GRSF1: variants seen among roughly 807,000 people sequenced by gnomAD.
The protein encoded by GRSF1 is G-rich sequence factor 1.
Under a neutral mutation model 51.1 loss-of-function variants are expected in GRSF1, and 50 were observed. The ratio of observed to expected loss-of-function variants is 0.98; its 90% CI spans 0.78 to 1.24. The LOEUF is 1.24. Ranked by LOEUF, GRSF1 falls within the 50% of genes most tolerant of loss-of-function variation. GRSF1 has a pLI of 0.00. For missense variants in GRSF1, 700 were observed against 639.7 expected, an observed-to-expected ratio of 1.09 and a Z score of -1.02; for synonymous variants, 293 against 253.3, an observed-to-expected ratio of 1.16 and a Z score of -1.49.
chr4:70,839,327 G>A (rs1379290968), intron 1 of GRSF1, 144 bp downstream of exon 1: 1 of 1,503,796 alleles, frequency 6.6e-7, no homozygotes, highest in South Asian at 1.2e-5. Context: ...AGGAGCACAG[G>A]GTGGACGGGG....
chr4:70,837,682 C>T (rs1734273484), intron 1 of GRSF1, among the ~76,000 whole-genome samples: 1 of 151,556 alleles, frequency 6.6e-6, no homozygotes, highest in African/African-American at 2.4e-5. Flanking sequence ...CTCTTGTCGC[C>T]CAGACTAGAG....
At chr4:70,823,087 ACT>A (rs1283874523) in intron 9 of GRSF1, among the ~76,000 whole-genome samples, 3 of 149,752 alleles carry the variant, frequency 2.0e-5, no homozygotes, top group African/African-American at 7.4e-5. Flanking sequence ...ACAAAGCAAG[ACT>A]CTGTCTCAAA....
chr4:70,837,417 A>G (rs1734258818), intron 1 of GRSF1, among the ~76,000 whole-genome samples: 1 of 151,628 alleles, frequency 6.6e-6, no homozygotes, highest in Non-Finnish European at 1.5e-5. Context: ...ACAAAAAATG[A>G]GCCGGGTGTG....
chr4:70,843,073 G>A (rs186798245), upstream of GRSF1, among the ~76,000 whole-genome samples: 47 of 152,208 alleles, frequency 3.1e-4, no homozygotes, highest in African/African-American at 1.1e-3. Flanking sequence ...TGTCTCAAAA[G>A]TAAATAAATA....
At chr4:70,838,478 A>T (rs1275948267) in intron 1 of GRSF1, among the ~76,000 whole-genome samples, 2 of 152,218 alleles carry the variant, frequency 1.3e-5, no homozygotes, top group African/African-American at 4.8e-5. Context: ...CCAGGATTCA[A>T]ATCAATTAGC....
At chr4:70,826,024 A>T in intron 7 of GRSF1, 100 bp downstream of exon 7, 1 of 1,001,792 alleles carries the variant, frequency 1.0e-6, no homozygotes, top group South Asian at 1.5e-5. Context: ...CCAACGCAGA[A>T]ACACTATATT....
chr4:70,824,241 A>C, intron 9 of GRSF1, 53 bp downstream of exon 9: 1 of 771,894 alleles, frequency 1.3e-6, no homozygotes. Context: ...AAGTACTGGG[A>C]TTACAGGTGT....
At position 70,827,987 on chromosome 4, in the gene GRSF1, C is replaced by T. The variant is rs1294788734; in HGVS notation, c.1000G>A (p.Gly334Ser). ...SRRNEVRTHVGSYKGKKIASF... is the reference protein window; with the variant it reads ...SRRNEVRTHVSSYKGKKIASF... ...GCGATTTTCTTTCCCTTATAAGAAC[C>T]GACATGTGTTCGAACTTCATTCCTT... is the stretch of plus-strand genomic sequence containing the variant. The change falls in exon 6 of 10, where the codon GGT (glycine) becomes AGT (serine). Residue 334 changes from glycine (G) to serine (S), a missense_variant. Gly to Ser is a moderately conservative substitution (Grantham distance 56). Coordinates refer to ENST00000254799, the MANE Select transcript of GRSF1 (RefSeq NM_002092.4). 4 of 1,613,488 alleles carry T rather than the reference C, an allele frequency of 2.5e-6. No homozygotes were observed. The highest frequency in any genetic ancestry group is 1.6e-4 in the Middle Eastern group (1 of 6,062).
At chr4:70,821,742 T>A (rs552075938) in intron 9 of GRSF1, among the ~76,000 whole-genome samples, 2 of 148,964 alleles carry the variant, frequency 1.3e-5, no homozygotes, top group South Asian at 2.2e-4. Context: ...AGTGGCACCA[T>A]CTCAGTCACT....
chr4:70,823,418 T>A (rs1226149266), intron 9 of GRSF1, among the ~76,000 whole-genome samples: 1 of 147,414 alleles, frequency 6.8e-6, no homozygotes, highest in East Asian at 2.0e-4. Flanking sequence ...AATAAATAAA[T>A]AAAATAAAAT....
chr4:70,842,737 T>C (rs1286796024), upstream of GRSF1, among the ~76,000 whole-genome samples: 1 of 152,200 alleles, frequency 6.6e-6, no homozygotes, highest in Non-Finnish European at 1.5e-5. Context: ...ATTTTCTTAA[T>C]AGCAGCAGTC....
intron 2 of GRSF1, among the ~76,000 whole-genome samples, chr4:70,834,875 G>A (rs1450219017): frequency 5.9e-5 from 9 of 151,814 alleles, no homozygotes; most frequent in South Asian, 2.1e-4. Context: ...CGCCCGCCTC[G>A]GCCTCCCAAA....
Position 70,826,138 on chromosome 4 carries a change from G to C in GRSF1, c.1243C>G (p.Gln415Glu), listed in dbSNP as rs1733726898. 3 of 1,610,604 alleles carry C rather than the reference G, an allele frequency of 1.9e-6. No homozygotes were observed. In the East Asian group the frequency reaches 6.7e-5, roughly 36 times the overall value. The change falls in exon 7 of 10, where the codon CAA (glutamine) becomes GAA (glutamate). Residue 415 changes from glutamine to glutamate, a missense_variant. Gln to Glu is a conservative substitution (Grantham distance 29). Transcript: ENST00000254799. ...MRGLPFQANA[Q>E]DIINFFAPLK... The stretch of plus-strand genomic sequence containing the variant: ...CTGCCACACACGTTTATAATGTCTT[G>C]GGCATTGGCTTGGAAAGGTAATCCT...
intron 2 of GRSF1, among the ~76,000 whole-genome samples, chr4:70,834,865 C>T (rs558078530): frequency 3.3e-5 from 5 of 152,052 alleles, no homozygotes; most frequent in South Asian, 2.1e-4. Flanking sequence ...CCTCGTGATC[C>T]GCCCGCCTCG....
chr4:70,836,104 T>G, intron 2 of GRSF1, 54 bp downstream of exon 2: 2 of 1,066,322 alleles, frequency 1.9e-6, no homozygotes, highest in Non-Finnish European at 1.3e-6. Context: ...TACCTGCTTG[T>G]GAGAAACAAT....
At chr4:70,839,005 C>T (rs1734342754) in intron 1 of GRSF1, 5 of 524,842 alleles carry the variant, frequency 9.5e-6, no homozygotes, top group South Asian at 3.8e-5. Flanking sequence ...TGTGTGCGCG[C>T]ACCTTCCCAG....
chr4:70,839,010 T>C, intron 1 of GRSF1: 1 of 573,952 alleles, frequency 1.7e-6, no homozygotes, highest in Non-Finnish European at 2.7e-6. Context: ...GCGCGCACCT[T>C]CCCAGCAGCG....
intron 2 of GRSF1, among the ~76,000 whole-genome samples, 170 bp from the exon 3 acceptor site, chr4:70,833,443 T>C (rs1734066724): frequency 2.0e-5 from 3 of 152,202 alleles, no homozygotes. Flanking sequence ...ATTTAGTCTC[T>C]AAAACCTTCC....
intron 9 of GRSF1, among the ~76,000 whole-genome samples, chr4:70,821,548 G>A (rs947814664): frequency 1.3e-5 from 2 of 150,044 alleles, no homozygotes; most frequent in African/African-American, 4.9e-5. Context: ...GGAGGTTGCA[G>A]TAAGCGGAGA....
Sources: gnomAD v4.1 joint callset for allele counts (sites outside exome capture counted in the v4.1 genomes callset) on GRCh38, gnomAD v4.1.1 for gene constraint, MANE v1.5 for transcripts, NCBI Gene and HGNC (gene_info 2026-07-23, HGNC 2026-07-21) for gene names.